SDK1: variants seen among roughly 807,000 people sequenced by gnomAD.
SDK1 encodes sidekick cell adhesion molecule 1.
SDK1 carries 157 observed loss-of-function variants against 245.5 expected under a neutral mutation model. The observed-to-expected ratio is 0.64, with a 90% CI of 0.56 to 0.73. The LOEUF is 0.73. SDK1 is among the 30% of genes least tolerant of loss of function. SDK1 has a pLI of 0.00. For synonymous variants in SDK1, 1,647 were observed against 1,278.5 expected, an observed-to-expected ratio of 1.29 and a Z score of -6.15; for missense variants, 3,583 against 3,002.3, an observed-to-expected ratio of 1.19 and a Z score of -4.52.
At chr7:4,108,844 C>T (rs987241146) in intron 22 of SDK1, among the ~76,000 whole-genome samples, 1 of 152,188 alleles carries the variant, frequency 6.6e-6, no homozygotes, top group African/African-American at 2.4e-5. Flanking sequence ...CTCCTCTCCC[C>T]ATCCCCTGGC....
At chr7:3,969,747 T>C (rs1230841580) in intron 11 of SDK1, among the ~76,000 whole-genome samples, 2 of 152,194 alleles carry the variant, frequency 1.3e-5, no homozygotes, top group Admixed American at 1.3e-4. Flanking sequence ...AAGCATTTTA[T>C]AAGAAAATTA....
intron 1 of SDK1, among the ~76,000 whole-genome samples, chr7:3,558,798 A>G (rs1231164988): frequency 6.6e-6 from 1 of 152,252 alleles, no homozygotes; most frequent in African/African-American, 2.4e-5. Flanking sequence ...CTCCTCTGCT[A>G]ATGACAAGGC....
chr7:3,426,031 A>G (rs1583839033), intron 1 of SDK1, among the ~76,000 whole-genome samples: 2 of 152,324 alleles, frequency 1.3e-5, no homozygotes, highest in African/African-American at 4.8e-5. Flanking sequence ...ACATAAAATT[A>G]CTTTTTATTT....
At chr7:4,095,638 T>C (rs897010778) in intron 22 of SDK1, among the ~76,000 whole-genome samples, 37 of 152,308 alleles carry the variant, frequency 2.4e-4, no homozygotes, top group African/African-American at 8.7e-4. Flanking sequence ...AGTGGCGCGA[T>C]CTCAGCTCAC....
In SDK1 at chr7:4,023,418, G is replaced by A. The variant is rs10242756; in HGVS notation, c.2602+6066G>A. 7.0e-3 allele frequency among the ~76,000 whole-genome samples: 1,071 copies of A among 152,288 alleles called. 15 individuals carry two copies. The highest frequency in any genetic ancestry group is 0.024 in the African/African-American group (1,017 of 41,560). On this transcript the variant is annotated intron_variant, in intron 17 of 44. Coordinates refer to ENST00000404826, the MANE Select transcript of SDK1 (RefSeq NM_152744.4). ...TTCTGAGGGGTGAGAGGAAAGGTTG[G>A]TGCTCTCACAGAAGCTGTGGCCTGA... is the stretch of plus-strand genomic sequence containing the variant.
intron 14 of SDK1, among the ~76,000 whole-genome samples, chr7:4,000,612 C>A (rs547852136): frequency 6.6e-6 from 1 of 152,334 alleles, no homozygotes; most frequent in East Asian, 1.9e-4. Context: ...TGTCACCGCA[C>A]AATCTGTTCA....
chr7:4,241,261 T>G (rs748145101), intron 42 of SDK1, among the ~76,000 whole-genome samples: 20 of 152,210 alleles, frequency 1.3e-4, no homozygotes, highest in Non-Finnish European at 2.4e-4. Context: ...CATTTATCTT[T>G]ACTTCCTGTT....
intron 1 of SDK1, among the ~76,000 whole-genome samples, chr7:3,481,736 C>T (rs896360438): frequency 1.3e-5 from 2 of 152,170 alleles, no homozygotes; most frequent in Admixed American, 1.3e-4. Context: ...TGCTCTTATG[C>T]CTTAAGGCCT....
intron 28 of SDK1, among the ~76,000 whole-genome samples, chr7:4,143,271 G>T (rs1779705489): frequency 6.6e-6 from 1 of 152,222 alleles, no homozygotes. Context: ...AGGCTGTGAG[G>T]AATGATAACT....
chr7:3,304,401 T>A (rs1336397526), intron 1 of SDK1, among the ~76,000 whole-genome samples: 1 of 152,208 alleles, frequency 6.6e-6, no homozygotes, highest in Non-Finnish European at 1.5e-5. Context: ...TAAGCAGTCT[T>A]ATGTGTGAAG....
intron 32 of SDK1, among the ~76,000 whole-genome samples, chr7:4,170,144 C>G (rs1562382497): frequency 1.3e-5 from 2 of 152,132 alleles, no homozygotes; most frequent in Non-Finnish European, 2.9e-5. Context: ...GGATGCCTTA[C>G]AGAATAAGGG....
chr7:3,825,452 A>G (rs762244101), intron 5 of SDK1, among the ~76,000 whole-genome samples: 33 of 152,264 alleles, frequency 2.2e-4, no homozygotes, highest in African/African-American at 6.3e-4. Flanking sequence ...AAAATGTCCA[A>G]TGTAATGAGA....
intron 1 of SDK1, among the ~76,000 whole-genome samples, chr7:3,537,672 C>G (rs767857541): frequency 1.4e-4 from 21 of 152,348 alleles, no homozygotes; most frequent in Middle Eastern, 6.8e-3. Context: ...AGGCTGCTGA[C>G]TGCGCCCTGG....
chr7:3,943,640 G>T (rs1252724076), intron 5 of SDK1, among the ~76,000 whole-genome samples: 1 of 151,688 alleles, frequency 6.6e-6, no homozygotes, highest in Non-Finnish European at 1.5e-5. Flanking sequence ...TGCCGTGGAA[G>T]GGGCGTTTTC....
chr7:4,049,913 G>A (rs992289102), intron 18 of SDK1, among the ~76,000 whole-genome samples: 2 of 152,152 alleles, frequency 1.3e-5, no homozygotes, highest in Non-Finnish European at 2.9e-5. Flanking sequence ...AAAGAACTGA[G>A]ACCAGTTGAT....
At chr7:3,632,064 A>G (rs1583249297) in intron 2 of SDK1, among the ~76,000 whole-genome samples, 1 of 152,198 alleles carries the variant, frequency 6.6e-6, no homozygotes, top group Non-Finnish European at 1.5e-5. Context: ...CTGGCATTAT[A>G]AAGAATTAAG....
chr7:4,183,400 C>T (rs986913194), intron 35 of SDK1, among the ~76,000 whole-genome samples: 4 of 151,978 alleles, frequency 2.6e-5, no homozygotes, highest in Non-Finnish European at 5.9e-5. Context: ...CTTTGGGAGG[C>T]TGAGGTGGGT....
intron 4 of SDK1, among the ~76,000 whole-genome samples, chr7:3,719,977 TAA>T (rs201406862): frequency 2.1e-5 from 3 of 141,136 alleles, no homozygotes; most frequent in African/African-American, 2.6e-5. Flanking sequence ...CTCCATCTCT[TAA>T]AAAAAAAAAA....
intron 1 of SDK1, among the ~76,000 whole-genome samples, chr7:3,361,808 A>G (rs149913825): frequency 2.9e-4 from 44 of 152,338 alleles, no homozygotes; most frequent in African/African-American, 9.9e-4. Flanking sequence ...TCAATCAAGA[A>G]TAACCGGTGA....
Sources: gnomAD v4.1 joint callset for allele counts (sites outside exome capture counted in the v4.1 genomes callset) on GRCh38, gnomAD v4.1.1 for gene constraint, MANE v1.5 for transcripts, NCBI Gene and HGNC (gene_info 2026-07-23, HGNC 2026-07-21) for gene names.